PKDCC: variants seen among roughly 807,000 people sequenced by gnomAD.
The protein encoded by PKDCC is protein kinase domain containing, cytoplasmic.
In PKDCC, 35 loss-of-function variants were observed where a neutral mutation model predicts 44.7. That is an observed-to-expected ratio of 0.78 (90% CI 0.60 to 1.04). The LOEUF (loss-of-function observed/expected upper bound fraction) is 1.04, where lower values mean the gene tolerates loss of function less well. PKDCC is among the 50% of genes least tolerant of loss of function. PKDCC has a pLI of 0.00. For missense variants in PKDCC, 738 were observed against 672.7 expected (o/e 1.10, Z -1.07); for synonymous variants, 353 against 303.3 (o/e 1.16, Z -1.70).
Position 42,048,531 on chromosome 2 carries a change from G to A in PKDCC, c.332G>A (p.Gly111Asp). Residue 111 changes from glycine (G) to aspartate (D), a missense_variant, in exon 1 of 7, where the codon GGC becomes GAC. Coordinates refer to ENST00000294964, the MANE Select transcript of PKDCC (RefSeq NM_138370.3). This position sits in a 1 kb window ranked among gnomAD's most constrained non-coding sequence, Gnocchi z 6.2. The stretch of plus-strand genomic sequence containing the variant: ...CCTTGGGCCCGGCCCCTGTCCGACG[G>A]CGCCCCAGGCTGGCCCCCGGCTCCC... ...RPPWARPLSD[G>D]APGWPPAPGP... is the part of the protein sequence containing the mutation. The A allele has an allele frequency of 8.2e-7, 1 of 1,225,636 alleles. No homozygotes were observed. The highest frequency in any genetic ancestry group is 1.0e-6 in the Non-Finnish European group (1 of 988,648). 75.9% of individuals were successfully genotyped at this position (1,225,636 alleles called of 1,614,324 possible).
At position 42,055,129 on chromosome 2, in the gene PKDCC, C is replaced by G; in HGVS notation, c.1114+109C>G. 7.3e-7 allele frequency: 1 copy of G among 1,362,080 alleles called. No homozygotes were observed. Among genetic ancestry groups the G allele is most frequent in the South Asian group, 1.2e-5 (1 of 83,446 alleles). The allele number at this position is 1,362,080 out of a possible 1,614,324, so 84.4% of individuals were successfully genotyped here. ...GCAGCAGGGGTTCTAGAAACCATCA[C>G]TTCCTAAGGTGGCATTCTGCCGCAA... On this transcript the variant is annotated intron_variant, in intron 4 of 6. Coordinates refer to ENST00000294964, the MANE Select transcript of PKDCC (RefSeq NM_138370.3). This position sits in a 1 kb window ranked among gnomAD's most constrained non-coding sequence, Gnocchi z 4.5.
Position 42,057,874 on chromosome 2 carries a change from A to C in PKDCC, c.*186A>C, listed in dbSNP as rs1572763893. The C allele has an allele frequency of 1.7e-6, 1 of 599,966 alleles. No homozygotes were observed. 37.2% of individuals were successfully genotyped at this position (599,966 alleles called of 1,614,324 possible). ...ATGCCAAATGTTAAAATGTGAGTTT[A>C]CCAGCCTAGCTATGGGACTGCTGGC... On this transcript the variant is annotated 3_prime_UTR_variant, in exon 7 of 7. Transcript: ENST00000294964.
At position 42,058,246 on chromosome 2, in the gene PKDCC, CA is replaced by C. The variant is rs1668091531; in HGVS notation, c.*559del. On this transcript the variant is annotated 3_prime_UTR_variant, in exon 7 of 7. Transcript: ENST00000294964. This position sits in a 1 kb window ranked among gnomAD's most constrained non-coding sequence, Gnocchi z 4.2. ...GACAGGGGACACTCCCAGGCCAGCC[CA>C]GGGGTCAGGGGCAGAGGTGCACACC... is the stretch of plus-strand genomic sequence containing the variant. The C allele has an allele frequency of 6.5e-6, 1 of 153,512 alleles. No individual in the cohort carries two copies. Among genetic ancestry groups the C allele is most frequent in the Non-Finnish European group, 1.5e-5 (1 of 68,848 alleles). The allele number at this position is 153,512 out of a possible 1,614,324, so 9.5% of individuals were successfully genotyped here.
chr2:42,053,024 C>A (rs1343890453), intron 1 of PKDCC, among the ~76,000 whole-genome samples: 2 of 152,162 alleles, frequency 1.3e-5, no homozygotes, highest in Non-Finnish European at 2.9e-5. Flanking sequence ...TTACCTGAGT[C>A]GGAAGGGGTG....
chr2:42,048,114 C>T lies in PKDCC; in HGVS notation c.-86C>T. On this transcript the variant is annotated 5_prime_UTR_variant, in exon 1 of 7. Coordinates refer to ENST00000294964, the MANE Select transcript of PKDCC (RefSeq NM_138370.3). The surrounding 1 kb of genome is among the most constrained non-coding windows in gnomAD (Gnocchi z 6.2). ...GGCTGGGCAGGGGGCCGGCGGGGCGCAGAGCGGAGCCGCCTCGGAGCCTGA... is the reference window on the plus strand; with the variant it reads ...GGCTGGGCAGGGGGCCGGCGGGGCGTAGAGCGGAGCCGCCTCGGAGCCTGA... 2 of 792,506 alleles carry T rather than the reference C, an allele frequency of 2.5e-6. No individual in the cohort carries two copies. The highest frequency in any genetic ancestry group is 3.0e-6 in the Non-Finnish European group (2 of 668,700). The allele number at this position is 792,506 out of a possible 1,614,324, so 49.1% of individuals were successfully genotyped here. A position where few individuals can be genotyped will look rare whatever the true frequency, so the allele number is the denominator to read the frequency against.
intron 5 of PKDCC, among the ~76,000 whole-genome samples, chr2:42,056,863 CT>C (rs1254491523): frequency 6.6e-6 from 1 of 152,230 alleles, no homozygotes; most frequent in African/African-American, 2.4e-5. Flanking sequence ...CTGGCTCCAA[CT>C]GTCTAAAATG....
In PKDCC at chr2:42,052,073, G is replaced by T. The variant is rs574334459; in HGVS notation, c.640-1166G>T. ...GCCTGTGGGTGCTGTTAAGGTGGTA[G>T]TGACACTCAGGCTTTGCTTCCCAGA... On this transcript the variant is annotated intron_variant, in intron 1 of 6. Transcript: ENST00000294964. The surrounding 1 kb of genome is among the most constrained non-coding windows in gnomAD (Gnocchi z 4.3). Among the ~76,000 whole-genome samples, 1 of 152,072 alleles carries T rather than the reference G, an allele frequency of 6.6e-6. No homozygotes were observed. The highest frequency in any genetic ancestry group is 1.5e-5 in the Non-Finnish European group (1 of 68,004).
chr2:42,053,392 C>G, intron 2 of PKDCC, 31 bp downstream of exon 2: 1 of 1,587,182 alleles, frequency 6.3e-7, no homozygotes, highest in Non-Finnish European at 8.6e-7. Context: ...GGGCCCTGGG[C>G]TCCTTGCTAG....
chr2:42,054,130 T>C lies in PKDCC; in HGVS notation c.857T>C (p.Leu286Pro). The C allele has an allele frequency of 6.2e-7, 1 of 1,613,400 alleles. No homozygotes were observed. The highest frequency in any genetic ancestry group is 8.5e-7 in the Non-Finnish European group (1 of 1,179,810). ...GACTTCCGCCCTCGGCAGTTTGTGC[T>C]GGTGGATGGGGAGCTCAAAGTGACG... ...LLDFRPRQFV[L>P]VDGELKVTDL... The change falls in exon 3 of 7, where the codon CTG (leucine) becomes CCG (proline). Residue 286 changes from leucine (L) to proline (P), a missense_variant. Physicochemically the swap from Leu to Pro is moderately conservative, Grantham distance 98. Transcript: ENST00000294964. The surrounding 1 kb of genome is among the most constrained non-coding windows in gnomAD (Gnocchi z 6.1).
At chr2:42,053,627 G>A in intron 2 of PKDCC, 1 of 542,028 alleles carries the variant, frequency 1.8e-6, no homozygotes, top group Non-Finnish European at 3.2e-6. Flanking sequence ...TTAAAGAGGG[G>A]AGCACTCACA....
chr2:42,053,211 C>CAAAAGA, intron 1 of PKDCC, 28 bp from the exon 2 acceptor site: 1 of 1,539,416 alleles, frequency 6.5e-7, no homozygotes, highest in Non-Finnish European at 8.8e-7. Flanking sequence ...ACCCTGTGAC[C>CAAAAGA]TAATGACCTG....
In PKDCC at chr2:42,048,712, C is replaced by T. The variant is rs781015864; in HGVS notation, c.513C>T (p.Ser171=). The T allele has an allele frequency of 6.4e-7, 1 of 1,557,508 alleles. No individual in the cohort carries two copies. The highest frequency in any genetic ancestry group is 1.9e-5 in the Admixed American group (1 of 51,680). The change falls in exon 1 of 7, where the codon AGC becomes AGT. Residue 171 remains serine (S), a synonymous_variant. Transcript: ENST00000294964. This position sits in a 1 kb window ranked among gnomAD's most constrained non-coding sequence, Gnocchi z 6.2. ...AAVALKAVDF[S]GHDLGSCVRE... is the part of the protein sequence containing the mutation. ...TGGCGCTCAAGGCGGTGGACTTTAG[C>T]GGCCACGATCTGGGCAGCTGCGTGC... is the stretch of plus-strand genomic sequence containing the variant.
rs765473313 is a variant in PKDCC, at chr2:42,055,312, A to T, written c.1141A>T (p.Thr381Ser). ...TGELAWGVDETLAQLEKVLHL... is the reference protein window; with the variant it reads ...TGELAWGVDESLAQLEKVLHL... ...AGAGCTCGCCTGGGGGGTGGACGAG[A>T]CCCTGGCCCAGCTGGAGAAGGTGCT... Residue 381 changes from threonine to serine, a missense_variant, in exon 5 of 7, where the codon ACC becomes TCC. Physicochemically the swap from Thr to Ser is moderately conservative, Grantham distance 58 (BLOSUM62 1). Coordinates refer to ENST00000294964, the MANE Select transcript of PKDCC (RefSeq NM_138370.3). This position sits in a 1 kb window ranked among gnomAD's most constrained non-coding sequence, Gnocchi z 4.5. 4 of 1,613,462 alleles carry T rather than the reference A, an allele frequency of 2.5e-6. No homozygotes were observed. The Middle Eastern group carries it at 6.6e-4, about 266-fold the overall frequency.
Position 42,058,294 on chromosome 2 carries a change from G to T in PKDCC, c.*606G>T, listed in dbSNP as rs1668092960. 1 of 152,484 alleles carries T rather than the reference G, an allele frequency of 6.6e-6. No homozygotes were observed. The highest frequency in any genetic ancestry group is 1.5e-5 in the Non-Finnish European group (1 of 68,038). 9.4% of individuals were successfully genotyped at this position (152,484 alleles called of 1,614,324 possible). A position where few individuals can be genotyped will look rare whatever the true frequency, so the allele number is the denominator to read the frequency against. ...CACCTCAGCATGAGCCAAGACTGGG[G>T]TCAGGGAGCAGGTGTGGTTTGAGCC... is the stretch of plus-strand genomic sequence containing the variant. On this transcript the variant is annotated 3_prime_UTR_variant, in exon 7 of 7. Transcript: ENST00000294964. This position sits in a 1 kb window ranked among gnomAD's most constrained non-coding sequence, Gnocchi z 4.2.
rs1479918822 is a variant in PKDCC, at chr2:42,048,077, G to C, written c.-123G>C. The C allele has an allele frequency of 4.3e-6, 2 of 464,040 alleles. No homozygotes were observed. The highest frequency in any genetic ancestry group is 1.4e-4 in the Admixed American group (2 of 14,602). The allele number at this position is 464,040 out of a possible 1,614,324, so 28.7% of individuals were successfully genotyped here. On this transcript the variant is annotated 5_prime_UTR_variant, in exon 1 of 7. Coordinates refer to ENST00000294964, the MANE Select transcript of PKDCC (RefSeq NM_138370.3). The surrounding 1 kb of genome is among the most constrained non-coding windows in gnomAD (Gnocchi z 6.2). ...AGGGGCCGGGGTCGGGGCCGCCGGG[G>C]CCATGCGCGCGGGCTGGGCAGGGGG...
chr2:42,048,416 G>C lies in PKDCC; in HGVS notation c.217G>C (p.Gly73Arg). The C allele has an allele frequency of 8.8e-7, 1 of 1,140,394 alleles. No homozygotes were observed. The highest frequency in any genetic ancestry group is 1.1e-6 in the Non-Finnish European group (1 of 931,912). 70.6% of individuals were successfully genotyped at this position (1,140,394 alleles called of 1,614,324 possible). The change falls in exon 1 of 7, where the codon GGG becomes CGG. Residue 73 changes from glycine to arginine, a missense_variant. By Grantham distance (125) the Gly-to-Arg change is moderately radical (BLOSUM62 -2). Transcript: ENST00000294964. This position sits in a 1 kb window ranked among gnomAD's most constrained non-coding sequence, Gnocchi z 6.2. The part of the protein sequence containing the change: ...RYEEVQRYSR[G>R]GPGPGAGRPE... ...CGAGGAGGTGCAGCGCTATTCCCGC[G>C]GGGGCCCCGGGCCCGGGGCGGGCCG...
rs1302997897 is a variant in PKDCC at position 42,058,326 on chromosome 2, T to TGGGGCGGGGCC, written c.*647_*648insCCGGGGCGGGG. 1.7e-4 allele frequency: 24 copies of TGGGGCGGGGCC among 143,714 alleles called. No individual in the cohort carries two copies. The highest frequency in any genetic ancestry group is 2.8e-4 in the Non-Finnish European group (18 of 65,302). The allele number at this position is 143,714 out of a possible 1,614,324, so 8.9% of individuals were successfully genotyped here. On this transcript the variant is annotated 3_prime_UTR_variant, in exon 7 of 7. Coordinates refer to ENST00000294964, the MANE Select transcript of PKDCC (RefSeq NM_138370.3). This position sits in a 1 kb window ranked among gnomAD's most constrained non-coding sequence, Gnocchi z 4.2. ...AGCAGGTGTGGTTTGAGCCAGGACC[T>TGGGGCGGGGCC]GGGGCGGGGGTGGGGCCGGGGCCTT...
In PKDCC at chr2:42,048,854, C is replaced by A; in HGVS notation, c.639+16C>A. ...CGTGCTGCAGGTACGAGGGTGGGGACGCGGGGGTAACGGTGTTGGCTGGGA... is the reference window on the plus strand; with the variant it reads ...CGTGCTGCAGGTACGAGGGTGGGGAAGCGGGGGTAACGGTGTTGGCTGGGA... On this transcript the variant is annotated intron_variant, in intron 1 of 6. Transcript: ENST00000294964. The surrounding 1 kb of genome is among the most constrained non-coding windows in gnomAD (Gnocchi z 6.2). The A allele has an allele frequency of 1.4e-6, 2 of 1,454,326 alleles. No homozygotes were observed. Among genetic ancestry groups the A allele is most frequent in the Non-Finnish European group, 1.8e-6 (2 of 1,097,464 alleles). 90.1% of individuals were successfully genotyped at this position (1,454,326 alleles called of 1,614,324 possible).
chr2:42,053,480 G>C lies in PKDCC; in HGVS notation c.762+119G>C. ...CACCCAGGGAGAGGGAGGGGAGGAAGGCGCACAGGCTGACTCAGCCACCGG... is the reference window on the plus strand; with the variant it reads ...CACCCAGGGAGAGGGAGGGGAGGAACGCGCACAGGCTGACTCAGCCACCGG... On this transcript the variant is annotated intron_variant, in intron 2 of 6. Coordinates refer to ENST00000294964, the MANE Select transcript of PKDCC (RefSeq NM_138370.3). 4 of 1,381,720 alleles carry C rather than the reference G, an allele frequency of 2.9e-6. No homozygotes were observed. The South Asian group carries it at 5.8e-5, about 20-fold the overall frequency. 85.6% of individuals were successfully genotyped at this position (1,381,720 alleles called of 1,614,324 possible). A position where few individuals can be genotyped will look rare whatever the true frequency, so the allele number is the denominator to read the frequency against.
Sources: allele counts gnomAD v4.1 joint callset (sites outside exome capture counted in the v4.1 genomes callset), GRCh38; gene constraint gnomAD v4.1.1; non-coding constraint Gnocchi (gnomAD v3.1); transcripts MANE v1.5; gene names NCBI Gene and HGNC (gene_info 2026-07-23, HGNC 2026-07-21).